The following CHD7 variants were observed in gnomAD, a reference collection of about 807,000 sequenced individuals.
The protein encoded by CHD7 is ATP-dependent chromatin remodeler CHD7.
CHD7 carries 24 observed loss-of-function variants against 307.3 expected under a neutral mutation model. The observed-to-expected ratio is 0.08, with a 90% confidence interval of 0.06 to 0.11. The LOEUF (loss-of-function observed/expected upper bound fraction) is 0.11. Among genes scored for constraint, CHD7 ranks in the 10% least tolerant of loss-of-function variants. The pLI is 1.00. For missense variants in CHD7, 3,106 were observed against 3,727.1 expected, an observed-to-expected ratio of 0.83 and a Z score of 4.34; for synonymous variants, 1,363 against 1,349.9, an observed-to-expected ratio of 1.01 and a Z score of -0.21.
rs1045266237 is a variant in CHD7, at chr8:60,742,020, G to C, written c.588G>C (p.Gly196=). The C allele has an allele frequency of 5.6e-6, 9 of 1,613,644 alleles. No individual in the cohort carries two copies. In the African/African-American group the frequency reaches 1.2e-4, roughly 22 times the overall value. The change falls in exon 2 of 38, where the codon GGG becomes GGC. Residue 196 remains glycine, a synonymous_variant. Transcript: ENST00000423902. ...MQQMGSYMAR[G]DFSMQQHGQP... ...AGATGGGCAGCTATATGGCACGTGG[G>C]GATTTTTCCATGCAGCAGCATGGTC...
intron 32 of CHD7, among the ~76,000 whole-genome samples, chr8:60,854,942 C>T (rs998000011): frequency 6.6e-6 from 1 of 152,152 alleles, no homozygotes; most frequent in African/African-American, 2.4e-5. Flanking sequence ...AGAGGGTGTA[C>T]TGTTGACCCA....
intron 1 of CHD7, among the ~76,000 whole-genome samples, chr8:60,683,885 A>G (rs1805751130): frequency 6.7e-6 from 1 of 148,424 alleles, no homozygotes; most frequent in African/African-American, 2.4e-5. Context: ...CTAAACCAAC[A>G]ATAATTTGCT....
intron 7 of CHD7, among the ~76,000 whole-genome samples, chr8:60,814,568 C>T (rs1345528498): frequency 6.6e-6 from 1 of 152,186 alleles, no homozygotes; most frequent in Non-Finnish European, 1.5e-5. Flanking sequence ...GCCTCAGCCT[C>T]CTGAGTAGCT....
chr8:60,716,618 C>T (rs921853826), intron 1 of CHD7, among the ~76,000 whole-genome samples: 3 of 152,190 alleles, frequency 2.0e-5, no homozygotes, highest in Admixed American at 6.5e-5. Flanking sequence ...TTCCTCCAAC[C>T]GGTCCCTCTG....
chr8:60,682,454 C>T (rs560946779), intron 1 of CHD7, among the ~76,000 whole-genome samples: 65 of 152,316 alleles, frequency 4.3e-4, no homozygotes, highest in Non-Finnish European at 5.6e-4. Flanking sequence ...GTAAATGCTT[C>T]TGTGTGCCTG....
intron 31 of CHD7, 22 bp downstream of exon 31, chr8:60,853,522 C>G (rs761783271): frequency 1.3e-6 from 2 of 1,485,454 alleles, no homozygotes; most frequent in Admixed American, 4.8e-5. Context: ...CCACTGGCCC[C>G]TCTCCTGACC....
intron 34 of CHD7, among the ~76,000 whole-genome samples, chr8:60,859,128 T>C (rs1410977178): frequency 6.8e-6 from 1 of 147,454 alleles, no homozygotes; most frequent in Non-Finnish European, 1.5e-5. Flanking sequence ...AGAGAATGTA[T>C]TTTTAAAACT....
intron 1 of CHD7, among the ~76,000 whole-genome samples, chr8:60,720,533 T>C (rs923260410): frequency 6.6e-6 from 1 of 152,232 alleles, no homozygotes; most frequent in Non-Finnish European, 1.5e-5. Flanking sequence ...TTTGGCCTTC[T>C]TCGTTTCCTT....
chr8:60,836,388 TG>T, intron 16 of CHD7, 105 bp downstream of exon 16: 3 of 839,928 alleles, frequency 3.6e-6, no homozygotes. Context: ...GGGGCTAGAA[TG>T]GGGGAAGTGC....
chr8:60,836,315 G>T lies in CHD7; in HGVS notation c.3989+32G>T, dbSNP rs1402205829. The T allele has an allele frequency of 3.8e-6, 6 of 1,589,254 alleles. 1 individual carries two copies. In the Middle Eastern group the frequency reaches 6.8e-4, roughly 180 times the overall value. The stretch of plus-strand genomic sequence containing the variant: ...ACCACCATATCAGAATAATAAAAAG[G>T]AAATCTAAAATTACCTTCCCAGGGG... On this transcript the variant is annotated intron_variant, in intron 16 of 37. Transcript: ENST00000423902.
chr8:60,864,781 CT>C, intron 37 of CHD7: 1 of 529,608 alleles, frequency 1.9e-6, no homozygotes, highest in Non-Finnish European at 3.4e-6. Context: ...ATGCAGCTAA[CT>C]TGACATTTAC....
At chr8:60,820,135 C>G (rs542502727) in intron 9 of CHD7, 45 bp downstream of exon 9, 20 of 1,277,012 alleles carry the variant, frequency 1.6e-5, no homozygotes, top group African/African-American at 8.8e-5. Context: ...TTCAGGCAAC[C>G]CATACATGTT....
Position 60,822,764 on chromosome 8 carries a change from G to A in CHD7, c.3201+18G>A. ...ATCCCCAGGTAAACCTTCACAGGTT[G>A]TATTCTTTGTACTTACTCTGTGCAT... On this transcript the variant is annotated intron_variant, in intron 12 of 37. Transcript: ENST00000423902. The A allele has an allele frequency of 6.3e-7, 1 of 1,592,882 alleles. No homozygotes were observed. Among genetic ancestry groups the A allele is most frequent in the Non-Finnish European group, 8.6e-7 (1 of 1,166,540 alleles).
At chr8:60,800,741 T>TA (rs1288967543) in intron 5 of CHD7, among the ~76,000 whole-genome samples, 2 of 152,244 alleles carry the variant, frequency 1.3e-5, no homozygotes, top group Admixed American at 1.3e-4. Context: ...CTGTGATATG[T>TA]AATTTGACAC....
intron 1 of CHD7, among the ~76,000 whole-genome samples, chr8:60,718,445 A>G (rs1397710151): frequency 1.7e-4 from 26 of 152,166 alleles, no homozygotes; most frequent in Admixed American, 1.7e-3. Context: ...ATTGCACTCC[A>G]GCATGGGAGA....
chr8:60,780,983 C>T lies in CHD7; in HGVS notation c.1666-17C>T. ...AAGAATGATAAACTAATTTCAATTC[C>T]TATTTGTGTCTCTCAGCATTCCCCG... On this transcript the variant is annotated splice_polypyrimidine_tract_variant and intron_variant, in intron 2 of 37. Coordinates refer to ENST00000423902, the MANE Select transcript of CHD7 (RefSeq NM_017780.4). 3.3e-6 allele frequency: 5 copies of T among 1,514,256 alleles called. No homozygotes were observed. The highest frequency in any genetic ancestry group is 3.5e-6 in the Non-Finnish European group (4 of 1,136,502). 93.8% of individuals were successfully genotyped at this position (1,514,256 alleles called of 1,614,324 possible). A position where few individuals can be genotyped will look rare whatever the true frequency, so the allele number is the denominator to read the frequency against.
intron 2 of CHD7, among the ~76,000 whole-genome samples, chr8:60,747,821 CTTCAT>C (rs1336216780): frequency 1.3e-5 from 2 of 152,202 alleles, no homozygotes; most frequent in Non-Finnish European, 2.9e-5. Flanking sequence ...GGTGTCAGGA[CTTCAT>C]TTCATTATCT....
chr8:60,850,217 C>A (rs1805390645), intron 25 of CHD7, among the ~76,000 whole-genome samples: 1 of 152,184 alleles, frequency 6.6e-6, no homozygotes. Context: ...GGTCAGAAAT[C>A]CTCCCAGGCA....
At chr8:60,744,120 C>T (rs914474206) in intron 2 of CHD7, among the ~76,000 whole-genome samples, 1 of 152,104 alleles carries the variant, frequency 6.6e-6, no homozygotes, top group Non-Finnish European at 1.5e-5. Context: ...GGCCTTACCC[C>T]GGGGAGGTGA....
Sources: gnomAD v4.1 joint callset for allele counts (sites outside exome capture counted in the v4.1 genomes callset) on GRCh38, gnomAD v4.1.1 for gene constraint, MANE v1.5 for transcripts, NCBI Gene and HGNC (gene_info 2026-07-23, HGNC 2026-07-21) for gene names.